Variants in EMC8 observed in about 807,000 individuals in gnomAD.
EMC8 encodes COX4 neighbor.
A neutral mutation model predicts 24.3 loss-of-function variants in EMC8; 11 were observed. The observed-to-expected ratio is 0.45, with a 90% CI of 0.28 to 0.75. The LOEUF (loss-of-function observed/expected upper bound fraction) is 0.75. Ranked by LOEUF, EMC8 falls within the 30% of genes least tolerant of loss-of-function variation. The pLI is 0.12. For synonymous variants in EMC8, 145 were observed against 117.7 expected, an observed-to-expected ratio of 1.23 and a Z score of -1.50; for missense variants, 277 against 282.7, an observed-to-expected ratio of 0.98 and a Z score of 0.14.
rs1904375465 is a variant in EMC8 at position 85,779,195 on chromosome 16, A to C, written c.*513T>G. The C allele has an allele frequency of 6.5e-6, 1 of 154,636 alleles. No homozygotes were observed. Among genetic ancestry groups the C allele is most frequent in the Admixed American group, 6.4e-5 (1 of 15,708 alleles). The allele number at this position is 154,636 out of a possible 1,614,324, so 9.6% of individuals were successfully genotyped here. ...ACAGCCCAGCCTACCTGACCACAGA[A>C]ACACCCACACAGAGCTTCTCAAACA... On this transcript the variant is annotated 3_prime_UTR_variant, in exon 5 of 5. Transcript: ENST00000253457.
At chr16:85,794,814 G>A (rs1005579999) in intron 1 of EMC8, among the ~76,000 whole-genome samples, 5 of 152,202 alleles carry the variant, frequency 3.3e-5, no homozygotes, top group Non-Finnish European at 7.3e-5. Flanking sequence ...TGTGGTGGGG[G>A]GAGGTGCTGG....
chr16:85,795,459 G>T (rs4843822), intron 1 of EMC8, among the ~76,000 whole-genome samples: 1 of 151,940 alleles, frequency 6.6e-6, no homozygotes, highest in Non-Finnish European at 1.5e-5. Context: ...TGCCAGGTGC[G>T]TGAGCCTCAG....
chr16:85,780,537 C>T, intron 3 of EMC8, 64 bp from the exon 4 acceptor site: 2 of 1,170,414 alleles, frequency 1.7e-6, no homozygotes, highest in Non-Finnish European at 2.5e-6. Context: ...CGGCAGGCGC[C>T]TCCTCGGGGC....
intron 1 of EMC8, 98 bp downstream of exon 1, chr16:85,798,967 G>A: frequency 1.2e-6 from 1 of 842,754 alleles, no homozygotes; most frequent in Non-Finnish European, 1.8e-6. Flanking sequence ...GCGGGTCCTA[G>A]GAGCCTGCTG....
At chr16:85,795,155 T>A (rs1597209387) in intron 1 of EMC8, among the ~76,000 whole-genome samples, 2 of 152,242 alleles carry the variant, frequency 1.3e-5, no homozygotes, top group African/African-American at 4.8e-5. Flanking sequence ...AGTGTTTAAC[T>A]CTGTCAAGGT....
intron 1 of EMC8, among the ~76,000 whole-genome samples, chr16:85,795,490 C>T (rs1216508565): frequency 6.6e-6 from 1 of 152,178 alleles, no homozygotes; most frequent in African/African-American, 2.4e-5. Flanking sequence ...ACCCCACCTT[C>T]TCCTGCCCTC....
At chr16:85,793,622 G>A (rs1251959209) in intron 1 of EMC8, among the ~76,000 whole-genome samples, 1 of 152,220 alleles carries the variant, frequency 6.6e-6, no homozygotes, top group Admixed American at 6.5e-5. Context: ...CCGCCGTGCA[G>A]AGGAGCAGAG....
At chr16:85,784,747 C>T (rs536502631) in intron 2 of EMC8, 38 of 152,150 alleles carry the variant, frequency 2.5e-4, no homozygotes, top group African/African-American at 8.7e-4. Flanking sequence ...ATGTACCCAC[C>T]TCTGCCTGCT....
At chr16:85,783,178 C>A (rs111705923) in intron 2 of EMC8, among the ~76,000 whole-genome samples, 2,814 of 152,308 alleles carry the variant, frequency 0.018, 44 homozygotes, top group Middle Eastern at 0.031. Flanking sequence ...TGATGCACAT[C>A]TGTAGACCCA....
At position 85,778,731 on chromosome 16, in the gene EMC8, C is replaced by T. The variant is rs984984542; in HGVS notation, c.*977G>A. ...TATCACAAACCCTTTCAGGTCACAC[C>T]GATCGTTACAAATTCCTCCATGGAG... On this transcript the variant is annotated 3_prime_UTR_variant, in exon 5 of 5. Coordinates refer to ENST00000253457, the MANE Select transcript of EMC8 (RefSeq NM_006067.5). The T allele has an allele frequency of 7.9e-5, 12 of 152,142 alleles. No homozygotes were observed. Among genetic ancestry groups the T allele is most frequent in the South Asian group, 2.1e-4 (1 of 4,832 alleles). The allele number at this position is 152,142 out of a possible 1,614,324, so 9.4% of individuals were successfully genotyped here. A position where few individuals can be genotyped will look rare whatever the true frequency, so the allele number is the denominator to read the frequency against.
intron 2 of EMC8, among the ~76,000 whole-genome samples, chr16:85,782,703 AG>A (rs1449749106): frequency 6.6e-6 from 1 of 152,182 alleles, no homozygotes; most frequent in Non-Finnish European, 1.5e-5. Flanking sequence ...CTTGCAGAGC[AG>A]CACTCCGGAA....
rs1163747067 is a variant in EMC8, at chr16:85,798,114, GTTTTTTTTT to G, written c.231+942_231+950del. Among the ~76,000 whole-genome samples the G allele has an allele frequency of 5.3e-3, 384 of 72,226 alleles. 1 individual carries two copies. Among genetic ancestry groups the G allele is most frequent in the African/African-American group, 0.02 (337 of 16,848 alleles). 47.4% of individuals were successfully genotyped at this position (72,226 alleles called of 152,430 possible). A position where few individuals can be genotyped will look rare whatever the true frequency, so the allele number is the denominator to read the frequency against. ...CTGCTGTTTAATGTCACAGAAATTC[GTTTTTTTTT>G]TTTTTTTTTTTTTTTTGAGACGGAG... On this transcript the variant is annotated intron_variant, in intron 1 of 4. Transcript: ENST00000253457.
rs751076672 is a variant in EMC8 at position 85,779,837 on chromosome 16, C to T, written c.504G>A (p.Gln168=). 6.2e-7 allele frequency: 1 copy of T among 1,614,184 alleles called. No homozygotes were observed. Among genetic ancestry groups the T allele is most frequent in the South Asian group, 1.1e-5 (1 of 91,086 alleles). The change falls in exon 5 of 5, where the codon CAG becomes CAA. Residue 168 remains glutamine, a synonymous_variant. Transcript: ENST00000253457. The part of the protein sequence containing the change: ...HDYCEDWPEA[Q]RISASLLDSR... ...TGTCCAGGAGCGAGGCTGAGATCCT[C>T]TGTGCCTCTGGCCAGTCTTCACAGT...
intron 1 of EMC8, chr16:85,798,775 T>A (rs867188509): frequency 1.8e-5 from 7 of 380,868 alleles, no homozygotes; most frequent in Admixed American, 4.3e-5. Context: ...AAGTGAACGA[T>A]GACTTGTTTC....
At chr16:85,786,854 G>C (rs1904777566) in intron 2 of EMC8, among the ~76,000 whole-genome samples, 1 of 152,184 alleles carries the variant, frequency 6.6e-6, no homozygotes, top group Non-Finnish European at 1.5e-5. Flanking sequence ...AGCCAGATGA[G>C]GCATGCGCAG....
chr16:85,797,274 G>A (rs893371929), intron 1 of EMC8, among the ~76,000 whole-genome samples: 5 of 152,188 alleles, frequency 3.3e-5, no homozygotes, highest in African/African-American at 1.2e-4. Flanking sequence ...TGGGTGTGGT[G>A]GTGGACGCCT....
chr16:85,799,248 C>T lies in EMC8; in HGVS notation c.48G>A (p.Leu16=). The T allele has an allele frequency of 1.9e-6, 3 of 1,612,834 alleles. No individual in the cohort carries two copies. Among genetic ancestry groups the T allele is most frequent in the Non-Finnish European group, 1.7e-6 (2 of 1,179,852 alleles). Residue 16 remains leucine (L), a synonymous_variant, in exon 1 of 5, where the codon CTG becomes CTA. Transcript: ENST00000253457. The surrounding 1 kb of genome is among the most constrained non-coding windows in gnomAD (Gnocchi z 4.2). ...LTTQAYCKMV[L]HGAKYPHCAV... is the part of the protein sequence containing the mutation. ...CGCAGTGCGGGTACTTGGCGCCGTG[C>T]AGCACCATCTTGCAGTAGGCCTGGG...
At position 85,790,250 on chromosome 16, in the gene EMC8, C is replaced by CCTTCAAATTCTTGTT. The variant is rs1020442758; in HGVS notation, c.232-1201_232-1200insAACAAGAATTTGAAG. 4.0e-5 allele frequency among the ~76,000 whole-genome samples: 6 copies of CCTTCAAATTCTTGTT among 151,890 alleles called. No individual in the cohort carries two copies. In the East Asian group the frequency reaches 9.7e-4, roughly 25 times the overall value. ...TTTTCCTAAATTCTTGTTTGGGCCT[C>CCTTCAAATTCTTGTT]TGAGTCTCCTTCACGACCAAAAGCA... is the stretch of plus-strand genomic sequence containing the variant. On this transcript the variant is annotated intron_variant, in intron 1 of 4. Coordinates refer to ENST00000253457, the MANE Select transcript of EMC8 (RefSeq NM_006067.5).
chr16:85,789,034 T>C lies in EMC8; in HGVS notation c.248A>G (p.Lys83Arg). ...ACCAGCAATCACGTAGCTATGATCTTTGCACCATGAATCAATCTGAAAGAG... is the reference window on the plus strand; with the variant it reads ...ACCAGCAATCACGTAGCTATGATCTCTGCACCATGAATCAATCTGAAAGAG... ...VALTLIDSWC[K>R]DHSYVIAGYY... The change falls in exon 2 of 5, where the codon AAA becomes AGA. Residue 83 changes from lysine to arginine, a missense_variant. Lys to Arg is a conservative substitution (Grantham distance 26). Transcript: ENST00000253457. The C allele has an allele frequency of 6.2e-7, 1 of 1,613,516 alleles. No homozygotes were observed. The highest frequency in any genetic ancestry group is 8.5e-7 in the Non-Finnish European group (1 of 1,179,438).
Sources: allele counts gnomAD v4.1 joint callset (sites outside exome capture counted in the v4.1 genomes callset), GRCh38; gene constraint gnomAD v4.1.1; non-coding constraint Gnocchi (gnomAD v3.1); transcripts MANE v1.5; gene names NCBI Gene and HGNC (gene_info 2026-07-23, HGNC 2026-07-21).